CNTN4: variants seen among roughly 807,000 people sequenced by gnomAD.
The protein encoded by CNTN4 is contactin 4.
In CNTN4, 77 loss-of-function variants were observed where a neutral mutation model predicts 122.5. The observed-to-expected ratio is 0.63, with a 90% CI of 0.52 to 0.76. CNTN4 has a LOEUF of 0.76. CNTN4 is among the 30% of genes least tolerant of loss of function. The pLI, the probability that CNTN4 is intolerant of heterozygous loss-of-function variation, is 0.00. For synonymous variants in CNTN4, 512 were observed against 447.0 expected, an observed-to-expected ratio of 1.15 and a Z score of -1.83; for missense variants, 1,256 against 1,259.1, an observed-to-expected ratio of 1.00 and a Z score of 0.04.
chr3:2,129,686 A>AT (rs903028736), intron 2 of CNTN4, among the ~76,000 whole-genome samples: 3 of 150,408 alleles, frequency 2.0e-5, no homozygotes, highest in Non-Finnish European at 3.0e-5. Flanking sequence ...GTTTCTAACA[A>AT]TTTTTTTTTG....
intron 23 of CNTN4, among the ~76,000 whole-genome samples, chr3:3,049,842 AG>A (rs11328415): frequency 0.33 from 50,342 of 152,060 alleles, 9,083 homozygotes; most frequent in East Asian, 0.48. Context: ...CACCAACTGC[AG>A]AGTTTGTGAT....
intron 3 of CNTN4, among the ~76,000 whole-genome samples, chr3:2,484,923 C>T (rs750901314): frequency 2.0e-4 from 30 of 152,272 alleles, no homozygotes; most frequent in Non-Finnish European, 4.0e-4. Flanking sequence ...GAGGCACGGG[C>T]GGGAGCCAGG....
At chr3:2,401,849 C>T (rs1378488850) in intron 3 of CNTN4, among the ~76,000 whole-genome samples, 2 of 152,098 alleles carry the variant, frequency 1.3e-5, no homozygotes, top group Non-Finnish European at 2.9e-5. Flanking sequence ...AAACTTTAAC[C>T]GAAAGCTCAA....
chr3:2,868,015 G>A (rs561517784), intron 8 of CNTN4, among the ~76,000 whole-genome samples: 18 of 152,206 alleles, frequency 1.2e-4, no homozygotes, highest in South Asian at 8.3e-4. Context: ...TTAAGCAGTC[G>A]TTGTAGACAT....
chr3:2,881,029 A>T (rs1181209180), intron 8 of CNTN4, among the ~76,000 whole-genome samples: 1 of 152,048 alleles, frequency 6.6e-6, no homozygotes. Flanking sequence ...AACACTCCTC[A>T]TCATTCCAGG....
rs1701769858 is a variant in CNTN4, at chr3:3,056,106, TTC to T, written c.2981-8_2981-7del. Reference sequence around the variant, plus strand: ...GATGGGGCTGTTTTGAGTGAATTTGTTCTCTCTTTTCAGATGCCTACGCGAGA... The same window carrying T: ...GATGGGGCTGTTTTGAGTGAATTTGTTCTCTTTTCAGATGCCTACGCGAGA... On this transcript the variant is annotated splice_polypyrimidine_tract_variant and intron_variant, in intron 24 of 24. Coordinates refer to ENST00000418658, the MANE Select transcript of CNTN4 (RefSeq NM_175607.3). 1 of 1,610,362 alleles carries T rather than the reference TTC, an allele frequency of 6.2e-7. No individual in the cohort carries two copies. The highest frequency in any genetic ancestry group is 8.5e-7 in the Non-Finnish European group (1 of 1,176,556).
chr3:2,411,704 G>C (rs1343417229), intron 3 of CNTN4, among the ~76,000 whole-genome samples: 1 of 151,884 alleles, frequency 6.6e-6, no homozygotes, highest in Non-Finnish European at 1.5e-5. Flanking sequence ...AAAAAATCAA[G>C]TTATTGGAAA....
chr3:3,029,917 A>T (rs1699024303), intron 15 of CNTN4, among the ~76,000 whole-genome samples: 1 of 152,184 alleles, frequency 6.6e-6, no homozygotes, highest in African/African-American at 2.4e-5. Flanking sequence ...AAATAGCAAC[A>T]CAAGAGTCTG....
chr3:2,890,148 A>C (rs992742661), intron 10 of CNTN4, among the ~76,000 whole-genome samples: 1 of 152,180 alleles, frequency 6.6e-6, no homozygotes, highest in African/African-American at 2.4e-5. Context: ...TATTGCATTT[A>C]TGTTTATTCT....
At chr3:2,300,560 CTTTTTTTTTTTTTTTTT>C (rs575192976) in intron 2 of CNTN4, among the ~76,000 whole-genome samples, 6 of 61,998 alleles carry the variant, frequency 9.7e-5, no homozygotes, top group Admixed American at 1.8e-4. Context: ...CAGTGACCGT[CTTTTTTTTTTTTTTTTT>C]TTTTTTTTTT....
chr3:2,990,116 G>C (rs1364020910), intron 14 of CNTN4, among the ~76,000 whole-genome samples: 1 of 152,190 alleles, frequency 6.6e-6, no homozygotes, highest in Non-Finnish European at 1.5e-5. Context: ...TCCATGTTAA[G>C]TGATTAGTGT....
chr3:2,632,428 G>T (rs984464155), intron 4 of CNTN4, among the ~76,000 whole-genome samples: 3 of 152,032 alleles, frequency 2.0e-5, no homozygotes, highest in Non-Finnish European at 4.4e-5. Context: ...CCTATCCTCA[G>T]GGGTCATGTT....
At chr3:2,308,256 C>T (rs2042790120) in intron 2 of CNTN4, among the ~76,000 whole-genome samples, 2 of 151,748 alleles carry the variant, frequency 1.3e-5, no homozygotes, top group Non-Finnish European at 1.5e-5. Flanking sequence ...TTGTTATCCC[C>T]CCTTTTATTC....
intron 7 of CNTN4, among the ~76,000 whole-genome samples, chr3:2,854,268 CT>C (rs56147510): frequency 1.0e-3 from 91 of 90,050 alleles, no homozygotes; most frequent in African/African-American, 3.1e-3. Context: ...CTTTCTTCTT[CT>C]TTTTTTTTTT....
At chr3:2,370,700 A>T (rs1436979971) in intron 3 of CNTN4, among the ~76,000 whole-genome samples, 1 of 152,186 alleles carries the variant, frequency 6.6e-6, no homozygotes, top group Non-Finnish European at 1.5e-5. Flanking sequence ...TGTGTAAGTG[A>T]ATGTGTTACT....
intron 4 of CNTN4, among the ~76,000 whole-genome samples, chr3:2,593,001 G>C (rs1443619755): frequency 1.3e-5 from 2 of 152,100 alleles, no homozygotes; most frequent in South Asian, 4.1e-4. Flanking sequence ...AATTTGAATT[G>C]GATATGTTTA....
intron 4 of CNTN4, among the ~76,000 whole-genome samples, chr3:2,576,882 G>T (rs2079714326): frequency 6.6e-6 from 1 of 152,044 alleles, no homozygotes; most frequent in Admixed American, 6.6e-5. Context: ...ACTATAGCTG[G>T]GGTAGAACTG....
chr3:2,364,095 T>G (rs1260982158), intron 3 of CNTN4, among the ~76,000 whole-genome samples: 1 of 152,094 alleles, frequency 6.6e-6, no homozygotes, highest in Non-Finnish European at 1.5e-5. Context: ...TAACCTTGTC[T>G]AGTTGGGGGC....
At chr3:2,550,326 G>T (rs2078439801) in intron 3 of CNTN4, among the ~76,000 whole-genome samples, 1 of 152,058 alleles carries the variant, frequency 6.6e-6, no homozygotes, top group Non-Finnish European at 1.5e-5. Flanking sequence ...AGACATTTAT[G>T]CGGCCAACAA....
Sources: allele counts gnomAD v4.1 joint callset (sites outside exome capture counted in the v4.1 genomes callset), GRCh38; gene constraint gnomAD v4.1.1; transcripts MANE v1.5; gene names NCBI Gene and HGNC (gene_info 2026-07-23, HGNC 2026-07-21).